The following SNX9 variants were observed in gnomAD, a reference collection of about 807,000 sequenced individuals.
SNX9 encodes sorting nexin-9.
A neutral mutation model predicts 89.4 loss-of-function variants in SNX9; 44 were observed. The ratio of observed to expected loss-of-function variants is 0.49; its 90% CI spans 0.39 to 0.63. The LOEUF (loss-of-function observed/expected upper bound fraction) is 0.63. Ranked by LOEUF, SNX9 falls within the 30% of genes least tolerant of loss-of-function variation. The pLI, the probability that SNX9 is intolerant of heterozygous loss-of-function variation, is 0.00. For synonymous variants in SNX9, 236 were observed against 247.8 expected (o/e 0.95, Z 0.45); for missense variants, 578 against 736.1 (o/e 0.79, Z 2.49).
chr6:157,829,049 G>C, intron 1 of SNX9: 1 of 152,020 alleles, frequency 6.6e-6, no homozygotes, highest in East Asian at 1.9e-4. Flanking sequence ...TTAATCCCCA[G>C]CTGTAAGCTT....
intron 1 of SNX9, among the ~76,000 whole-genome samples, chr6:157,852,444 C>T (rs1282401023): frequency 6.6e-6 from 1 of 152,182 alleles, no homozygotes; most frequent in African/African-American, 2.4e-5. Context: ...CCTCCTCTCG[C>T]TACCATGGTC....
chr6:157,925,723 T>C (rs1167300289), intron 10 of SNX9, among the ~76,000 whole-genome samples: 1 of 152,092 alleles, frequency 6.6e-6, no homozygotes, highest in Admixed American at 6.5e-5. Flanking sequence ...TTTATAGGGC[T>C]CTTTGCTAGC....
chr6:157,848,196 A>T (rs559107112), intron 1 of SNX9, among the ~76,000 whole-genome samples: 1 of 152,216 alleles, frequency 6.6e-6, no homozygotes, highest in Non-Finnish European at 1.5e-5. Context: ...CTAGAACAGC[A>T]TTCATGGTAC....
rs1325998430 is a variant in SNX9, at chr6:157,875,072, G to A, written c.196G>A (p.Asp66Asn). The change falls in exon 4 of 18, where the codon GAT becomes AAT. Residue 66 changes from aspartate to asparagine, a missense_variant. Asp to Asn is a conservative substitution (Grantham distance 23). This residue lies in a region of SNX9 where 230 missense variants were observed against 244.7 expected (regional missense o/e 0.94). Transcript: ENST00000392185. The part of the protein sequence containing the change: ...YVEILPSDGK[D>N]QFSCGNSVAD... The stretch of plus-strand genomic sequence containing the variant: ...TCAGATTTTACCCAGTGATGGAAAA[G>A]ATCAATTTTCTTGTGGAAATTCAGT... 1 of 1,613,800 alleles carries A rather than the reference G, an allele frequency of 6.2e-7. No homozygotes were observed. The highest frequency in any genetic ancestry group is 8.5e-7 in the Non-Finnish European group (1 of 1,179,938).
In SNX9 at chr6:157,932,210, A is replaced by G; in HGVS notation, c.1304A>G (p.Tyr435Cys). The G allele has an allele frequency of 6.2e-7, 1 of 1,614,210 alleles. No individual in the cohort carries two copies. The highest frequency in any genetic ancestry group is 8.5e-7 in the Non-Finnish European group (1 of 1,180,020). ...KRCTGPLPKEYQKIGKALQSL... is the reference protein window; with the variant it reads ...KRCTGPLPKECQKIGKALQSL... ...TGTCTTTCAGCATTACCCAAGGAAT[A>G]TCAGAAGATAGGAAAGGCCTTGCAG... Residue 435 changes from tyrosine to cysteine, a missense_variant, in exon 13 of 18, where the codon TAT (tyrosine) becomes TGT (cysteine). Transcript: ENST00000392185.
In SNX9 at chr6:157,942,783, C is replaced by G. The variant is rs780817921; in HGVS notation, c.1741-8C>G. The G allele has an allele frequency of 6.2e-7, 1 of 1,613,936 alleles. No individual in the cohort carries two copies. The highest frequency in any genetic ancestry group is 2.2e-5 in the East Asian group (1 of 44,870). Reference sequence around the variant, plus strand: ...TCTCAACGTTGTTTTGTTTTGCTTTCTTGTCAGATTGCAGAAAAGCTGAGG... The same window carrying G: ...TCTCAACGTTGTTTTGTTTTGCTTTGTTGTCAGATTGCAGAAAAGCTGAGG... On this transcript the variant is annotated splice_region_variant and splice_polypyrimidine_tract_variant and intron_variant, in intron 17 of 17. Coordinates refer to ENST00000392185, the MANE Select transcript of SNX9 (RefSeq NM_016224.5).
chr6:157,935,470 G>C (rs1783904088), intron 13 of SNX9, among the ~76,000 whole-genome samples: 1 of 152,094 alleles, frequency 6.6e-6, no homozygotes, highest in Non-Finnish European at 1.5e-5. Flanking sequence ...GCAGCATCCA[G>C]AATGCAGGCA....
intron 1 of SNX9, among the ~76,000 whole-genome samples, chr6:157,856,065 CTTGT>C (rs1315386768): frequency 6.6e-6 from 1 of 152,118 alleles, no homozygotes; most frequent in African/African-American, 2.4e-5. Flanking sequence ...TGATTTTTAT[CTTGT>C]TTATGTTGGC....
chr6:157,868,645 G>T (rs16888810), intron 2 of SNX9, among the ~76,000 whole-genome samples: 1,823 of 152,150 alleles, frequency 0.012, 43 homozygotes, highest in African/African-American at 0.042. Flanking sequence ...ACATTTAATT[G>T]TCCTTTTTAC....
chr6:157,867,105 T>A (rs1001005620), intron 1 of SNX9, among the ~76,000 whole-genome samples: 10 of 152,142 alleles, frequency 6.6e-5, no homozygotes, highest in African/African-American at 1.9e-4. Context: ...CTGGCTACAA[T>A]GCCCAGCTAA....
chr6:157,860,888 A>G (rs1013356846), intron 1 of SNX9, among the ~76,000 whole-genome samples: 24 of 152,196 alleles, frequency 1.6e-4, no homozygotes, highest in Admixed American at 1.3e-4. Flanking sequence ...AGTTTACACT[A>G]AGTATTTCTT....
rs11322047 is a variant in SNX9, at chr6:157,853,791, T to TA, written c.13-13744dup. 8.0e-4 allele frequency among the ~76,000 whole-genome samples: 119 copies of TA among 147,856 alleles called. No homozygotes were observed. The Middle Eastern group carries it at 0.011, about 13-fold the overall frequency. On this transcript the variant is annotated intron_variant, in intron 1 of 17. Transcript: ENST00000392185. Reference sequence around the variant, plus strand: ...TACATGCAAATGTACATGTAATGTTTAAAAAAAAAAAACAACAAAGGTGGT... The same window carrying TA: ...TACATGCAAATGTACATGTAATGTTTAAAAAAAAAAAAACAACAAAGGTGGT...
chr6:157,887,365 C>T (rs775577825), intron 4 of SNX9, among the ~76,000 whole-genome samples: 11 of 152,154 alleles, frequency 7.2e-5, no homozygotes, highest in Non-Finnish European at 1.5e-4. Flanking sequence ...TTGATTCTTC[C>T]GTGTGTGTCT....
intron 3 of SNX9, 68 bp from the exon 4 acceptor site, chr6:157,874,983 T>C: frequency 6.6e-7 from 1 of 1,515,526 alleles, no homozygotes; most frequent in South Asian, 1.4e-5. Context: ...CAATTCTTGC[T>C]TGCCCTCGAA....
chr6:157,940,962 A>G lies in SNX9; in HGVS notation c.1728A>G (p.Gln576=), dbSNP rs1172488536. ...VIRLYLEQQV[Q]FYETIAEKLR... Reference sequence around the variant, plus strand: ...GCCTGTACCTGGAGCAGCAAGTGCAATTTTACGAAACGGTGAGTGGGCGTC... The same window carrying G: ...GCCTGTACCTGGAGCAGCAAGTGCAGTTTTACGAAACGGTGAGTGGGCGTC... The change falls in exon 17 of 18, where the codon CAA becomes CAG. Residue 576 remains glutamine, a synonymous_variant. Coordinates refer to ENST00000392185, the MANE Select transcript of SNX9 (RefSeq NM_016224.5). 1.2e-6 allele frequency: 2 copies of G among 1,614,012 alleles called. No homozygotes were observed. Among genetic ancestry groups the G allele is most frequent in the Non-Finnish European group, 1.7e-6 (2 of 1,179,998 alleles).
chr6:157,884,563 A>G (rs1400167548), intron 4 of SNX9, among the ~76,000 whole-genome samples: 1 of 152,164 alleles, frequency 6.6e-6, no homozygotes, highest in Non-Finnish European at 1.5e-5. Context: ...AACTTTATTG[A>G]AAAGGTTCTT....
In SNX9 at chr6:157,875,036, C is replaced by T; in HGVS notation, c.175-15C>T. On this transcript the variant is annotated splice_polypyrimidine_tract_variant and intron_variant, in intron 3 of 17. Transcript: ENST00000392185. ...GTAATCTATGAAAATAATTGCGGCT[C>T]TTTCTCCTATTCAGATTTTACCCAG... The T allele has an allele frequency of 6.2e-7, 1 of 1,613,104 alleles. No homozygotes were observed. The highest frequency in any genetic ancestry group is 8.5e-7 in the Non-Finnish European group (1 of 1,179,508).
rs1033380715 is a variant in SNX9 at position 157,942,837 on chromosome 6, A to G, written c.1787A>G (p.Ter596TrpextTer49). The change falls in exon 18 of 18, where the codon TAG becomes TGG. Residue 596 changes from the stop codon to tryptophan, a stop_lost. Coordinates refer to ENST00000392185, the MANE Select transcript of SNX9 (RefSeq NM_016224.5). ...GCCCTCAGCCGCTTTCCAGTGATGT[A>G]GGACAGAACGGGCCTTGAAGAGAAT... Reference protein sequence around the residue: ...RQALSRFPVM* With the variant: ...RQALSRFPVMW The G allele has an allele frequency of 6.2e-7, 1 of 1,613,756 alleles. No homozygotes were observed. Among genetic ancestry groups the G allele is most frequent in the Non-Finnish European group, 8.5e-7 (1 of 1,179,802 alleles).
intron 5 of SNX9, 44 bp from the exon 6 acceptor site, chr6:157,901,854 C>CTTTT: frequency 1.4e-6 from 2 of 1,456,316 alleles, no homozygotes; most frequent in East Asian, 2.4e-5. Context: ...TTATTTTGGT[C>CTTTT]TTTTTTTTTT....
Sources: gnomAD v4.1 joint callset for allele counts (sites outside exome capture counted in the v4.1 genomes callset) on GRCh38, gnomAD v4.1.1 for gene constraint, gnomAD v4.1.1 regional missense constraint, MANE v1.5 for transcripts, NCBI Gene and HGNC (gene_info 2026-07-23, HGNC 2026-07-21) for gene names.